Variants in NBPF10 observed in about 807,000 individuals in gnomAD.
NBPF10 encodes NBPF member 10.
Under a neutral mutation model 77.9 loss-of-function variants are expected in NBPF10, and 63 were observed. That is an observed-to-expected ratio of 0.81 (90% CI 0.66 to 1.00). NBPF10 has a LOEUF of 1.00. Ranked by LOEUF, NBPF10 falls within the 50% of genes least tolerant of loss-of-function variation. The pLI, the probability that NBPF10 is intolerant of heterozygous loss-of-function variation, is 0.00. For missense variants in NBPF10, 522 were observed against 679.8 expected (o/e 0.77, Z 2.58); for synonymous variants, 146 against 264.5 (o/e 0.55, Z 4.35).
At chr1:146,073,999 G>A in intron 80 of NBPF10, among the ~76,000 whole-genome samples, 1 of 97,180 alleles carries the variant, frequency 1.0e-5, no homozygotes, top group East Asian at 2.7e-4. Context: ...AGAGTTGTGT[G>A]AATTTGTCAC....
intron 58 of NBPF10, among the ~76,000 whole-genome samples, 199 bp from the exon 59 acceptor site, chr1:146,091,131 C>A (rs1656863216): frequency 2.8e-5 from 2 of 71,678 alleles, no homozygotes; most frequent in South Asian, 7.1e-4. Flanking sequence ...TGAAATATCC[C>A]CATTCTGGTA....
chr1:146,125,908 G>T lies in NBPF10; in HGVS notation c.2026+328C>A, dbSNP rs587641321. Among the ~76,000 whole-genome samples the T allele has an allele frequency of 2.8e-4, 42 of 151,338 alleles. 2 individuals carry two copies. The highest frequency in any genetic ancestry group is 1.5e-3 in the South Asian group (7 of 4,772). ...GCGAGGATTTTAGACGCTGAAATTA[G>T]AGTAAAGGATGAAATCTACAAGATC... On this transcript the variant is annotated intron_variant, in intron 14 of 89. Transcript: ENST00000583866.
At chr1:146,067,275 C>G (rs782494127) in exon 89 of NBPF10, 1 of 553,196 alleles carries the variant, frequency 1.8e-6, no homozygotes. Context: ...TCCCCTTCCC[C>G]TTCTTTTCAA....
At chr1:146,126,211 A>T in intron 14 of NBPF10, 25 bp downstream of exon 14, 1 of 1,482,812 alleles carries the variant, frequency 6.7e-7, no homozygotes, top group Non-Finnish European at 9.4e-7. Flanking sequence ...GTGGATCCTT[A>T]TCACCTTCAT....
intron 15 of NBPF10, 48 bp downstream of exon 15, chr1:146,125,417 C>T (rs1658482167): frequency 6.5e-6 from 2 of 306,684 alleles, no homozygotes; most frequent in East Asian, 1.0e-4. Flanking sequence ...GACCTGGCAT[C>T]TCCAGGTGTC....
chr1:146,066,921 A>G (rs1655136062), intron 89 of NBPF10, among the ~76,000 whole-genome samples: 1 of 146,550 alleles, frequency 6.8e-6, no homozygotes, highest in African/African-American at 2.4e-5. Context: ...AGTTTTCCAT[A>G]AAATATGCTC....
At chr1:146,125,785 T>G (rs1366786273) in intron 14 of NBPF10, among the ~76,000 whole-genome samples, 1 of 146,144 alleles carries the variant, frequency 6.8e-6, no homozygotes, top group Admixed American at 6.8e-5. Flanking sequence ...ATGCCATATT[T>G]TTCCAATCGA....
intron 2 of NBPF10, among the ~76,000 whole-genome samples, chr1:146,142,164 C>T (rs1553797631): frequency 4.2e-5 from 5 of 118,236 alleles, no homozygotes; most frequent in Admixed American, 2.7e-4. Flanking sequence ...GTGCATCTTG[C>T]GGCCACTAGA....
intron 17 of NBPF10, among the ~76,000 whole-genome samples, chr1:146,123,525 C>CAG (rs1186150213): frequency 1.5e-3 from 106 of 71,792 alleles, no homozygotes; most frequent in Non-Finnish European, 1.8e-3. Context: ...CACACACACA[C>CAG]AGAGAGAGAG....
intron 5 of NBPF10, among the ~76,000 whole-genome samples, chr1:146,139,184 C>G (rs1315518923): frequency 7.0e-6 from 1 of 141,944 alleles, no homozygotes. Context: ...ACTGCAAGCT[C>G]CGGTTCCTGG....
intron 14 of NBPF10, 71 bp downstream of exon 14, chr1:146,126,165 C>A: frequency 1.1e-6 from 1 of 915,514 alleles, no homozygotes; most frequent in Middle Eastern, 3.2e-4. Flanking sequence ...GTAACGGCCA[C>A]TTGCAGTAGG....
At chr1:146,067,619 G>A (rs782038015) in intron 88 of NBPF10, among the ~76,000 whole-genome samples, 4 of 150,176 alleles carry the variant, frequency 2.7e-5, no homozygotes, top group African/African-American at 9.9e-5. Flanking sequence ...GCAATATTTA[G>A]CCCTGTCTCA....
chr1:146,123,874 C>G, intron 17 of NBPF10, 53 bp downstream of exon 17: 1 of 359,546 alleles, frequency 2.8e-6, no homozygotes, highest in Non-Finnish European at 4.6e-6. Flanking sequence ...TTCCCTGAAC[C>G]AGGAGTCTCC....
At chr1:146,109,311 GACACACACACACAC>G (rs1203658432) in intron 35 of NBPF10, among the ~76,000 whole-genome samples, 197 bp from the exon 36 acceptor site, 1 of 87,196 alleles carries the variant, frequency 1.1e-5, no homozygotes, top group African/African-American at 4.0e-5. Context: ...AAGACAGATA[GACACACACACACAC>G]ACACACACAC....
chr1:146,067,108 C>A (rs587770375), intron 89 of NBPF10, 72 bp downstream of exon 89: 41 of 624,412 alleles, frequency 6.6e-5, no homozygotes, highest in South Asian at 6.1e-4. Flanking sequence ...ATCAAACACA[C>A]TCTGGTTTCC....
chr1:146,125,542 A>G, intron 14 of NBPF10, 26 bp from the exon 15 acceptor site: 1 of 671,164 alleles, frequency 1.5e-6, no homozygotes, highest in East Asian at 2.6e-5. Context: ...ACATGGACAG[A>G]CATATTAAGC....
intron 17 of NBPF10, among the ~76,000 whole-genome samples, chr1:146,123,525 C>A (rs201099691): frequency 1.4e-5 from 1 of 72,022 alleles, no homozygotes; most frequent in African/African-American, 7.3e-5. Flanking sequence ...CACACACACA[C>A]AGAGAGAGAG....
At chr1:146,126,596 G>GACACACACACACACACAC (rs56881979) in intron 13 of NBPF10, among the ~76,000 whole-genome samples, 188 bp from the exon 14 acceptor site, 19 of 113,692 alleles carry the variant, frequency 1.7e-4, no homozygotes, top group South Asian at 8.8e-4. Context: ...GAACGAGAAA[G>GACACACACACACACACAC]ACACACACAC....
chr1:146,067,315 C>G, intron 88 of NBPF10, 27 bp from the exon 89 acceptor site: 1 of 492,136 alleles, frequency 2.0e-6, no homozygotes, highest in South Asian at 1.8e-5. Context: ...CATGGACAGA[C>G]ACATTAAGCT....
Sources: allele counts gnomAD v4.1 joint callset (sites outside exome capture counted in the v4.1 genomes callset), GRCh38; gene constraint gnomAD v4.1.1; transcripts MANE v1.5; gene names NCBI Gene and HGNC (gene_info 2026-07-23, HGNC 2026-07-21).